Variants in PGBD5 observed in about 807,000 individuals in gnomAD.
The protein encoded by PGBD5 is piggyBac transposable element derived 5, also known as piggyBac transposable element-derived protein 5.
A neutral mutation model predicts 47.9 loss-of-function variants in PGBD5; 14 were observed. The observed-to-expected ratio is 0.29, with a 90% CI of 0.19 to 0.46. The LOEUF (loss-of-function observed/expected upper bound fraction) is 0.46, where lower values mean the gene tolerates loss of function less well. Among genes scored for constraint, PGBD5 ranks in the 20% least tolerant of loss-of-function variants. PGBD5 has a pLI of 1.00. For synonymous variants in PGBD5, 316 were observed against 306.3 expected (o/e 1.03, Z -0.33); for missense variants, 635 against 716.0 (o/e 0.89, Z 1.29).
rs180784797 is a variant in PGBD5, at chr1:230,384,726, C to T, written c.332-27405G>A. ...TCTCACGACACCACGCGGCCTCTTA[C>T]CTCAGTCTTCTCATCTATAAAATGG... On this transcript the variant is annotated intron_variant, in intron 1 of 6. Coordinates refer to ENST00000391860, the MANE Select transcript of PGBD5 (RefSeq NM_001258311.2). 4.5e-4 allele frequency among the ~76,000 whole-genome samples: 69 copies of T among 152,340 alleles called. 1 individual carries two copies. The highest frequency in any genetic ancestry group is 1.5e-3 in the African/African-American group (61 of 41,576).
chr1:230,360,069 G>A (rs940604719), intron 1 of PGBD5, among the ~76,000 whole-genome samples: 1 of 152,218 alleles, frequency 6.6e-6, no homozygotes, highest in Admixed American at 6.5e-5. Context: ...AATTATTCAA[G>A]GATAGTGCTC....
chr1:230,417,412 T>C (rs1657543008), intron 1 of PGBD5, among the ~76,000 whole-genome samples: 1 of 152,214 alleles, frequency 6.6e-6, no homozygotes, highest in Non-Finnish European at 1.5e-5. Context: ...TGCCTGAACC[T>C]GGAGTTTGGA....
At chr1:230,391,071 T>C (rs920623249) in intron 1 of PGBD5, among the ~76,000 whole-genome samples, 13 of 151,304 alleles carry the variant, frequency 8.6e-5, no homozygotes, top group Admixed American at 2.0e-4. Flanking sequence ...CTCCATTTCA[T>C]AGTGACTAGT....
rs1028311968 is a variant in PGBD5, at chr1:230,318,563, G to A, written c.*4862C>T. On this transcript the variant is annotated 3_prime_UTR_variant, in exon 7 of 7. Transcript: ENST00000391860. ...TTGTGAACTTCTGGGGACTTCTTTCGTTTGGAACTCCCACTACACAAGGCT... is the reference window on the plus strand; with the variant it reads ...TTGTGAACTTCTGGGGACTTCTTTCATTTGGAACTCCCACTACACAAGGCT... 8 of 152,240 alleles carry A rather than the reference G, an allele frequency of 5.3e-5. No individual in the cohort carries two copies. The highest frequency in any genetic ancestry group is 4.1e-4 in the South Asian group (2 of 4,834). 9.4% of individuals were successfully genotyped at this position (152,240 alleles called of 1,614,324 possible).
chr1:230,353,363 T>C (rs1667587383), intron 2 of PGBD5, among the ~76,000 whole-genome samples: 1 of 152,190 alleles, frequency 6.6e-6, no homozygotes, highest in African/African-American at 2.4e-5. Context: ...AAAATATTTC[T>C]CTAATTAATC....
In PGBD5 at chr1:230,425,242, G is replaced by T. The variant is rs1363817675; in HGVS notation, c.331+356C>A. 6.6e-6 allele frequency among the ~76,000 whole-genome samples: 1 copy of T among 152,034 alleles called. No homozygotes were observed. The highest frequency in any genetic ancestry group is 1.5e-5 in the Non-Finnish European group (1 of 67,990). On this transcript the variant is annotated intron_variant, in intron 1 of 6. Transcript: ENST00000391860. The surrounding 1 kb of genome is among the most constrained non-coding windows in gnomAD (Gnocchi z 4.7). ...CCAGCCACGCCGGGCTTTCAGAAAAGCCCCCTCAACTAGGAAAGCCTAACT... is the reference window on the plus strand; with the variant it reads ...CCAGCCACGCCGGGCTTTCAGAAAATCCCCCTCAACTAGGAAAGCCTAACT...
intron 3 of PGBD5, among the ~76,000 whole-genome samples, chr1:230,348,252 G>A (rs980360166): frequency 3.3e-5 from 5 of 152,200 alleles, no homozygotes; most frequent in Admixed American, 6.5e-5. Context: ...GGACCTCACT[G>A]GTTACCTAAT....
intron 1 of PGBD5, among the ~76,000 whole-genome samples, chr1:230,389,266 G>A (rs1274875542): frequency 6.6e-6 from 1 of 151,534 alleles, no homozygotes; most frequent in African/African-American, 2.4e-5. Flanking sequence ...CTCTGCCTCC[G>A]GGTTCAAGCG....
At chr1:230,361,370 G>GC (rs1667739610) in intron 1 of PGBD5, among the ~76,000 whole-genome samples, 1 of 152,188 alleles carries the variant, frequency 6.6e-6, no homozygotes, top group South Asian at 2.1e-4. Context: ...GCTTGGGTGT[G>GC]CCTCGGTGTC....
At chr1:230,400,530 T>C (rs1657110690) in intron 1 of PGBD5, among the ~76,000 whole-genome samples, 1 of 152,222 alleles carries the variant, frequency 6.6e-6, no homozygotes, top group Non-Finnish European at 1.5e-5. Flanking sequence ...TGAGACATAA[T>C]GGGTGCTCAG....
chr1:230,334,361 A>G (rs551855916), intron 4 of PGBD5, among the ~76,000 whole-genome samples: 1 of 149,510 alleles, frequency 6.7e-6, no homozygotes, highest in East Asian at 2.0e-4. Context: ...AAGGATGTCC[A>G]AAATCACCCA....
intron 1 of PGBD5, among the ~76,000 whole-genome samples, chr1:230,382,863 G>A (rs1656544445): frequency 6.6e-6 from 1 of 152,148 alleles, no homozygotes; most frequent in Non-Finnish European, 1.5e-5. Context: ...GAGGTTATGG[G>A]ATGGGGGAGA....
At chr1:230,324,984 C>T (rs1667091777) in intron 6 of PGBD5, among the ~76,000 whole-genome samples, 1 of 152,128 alleles carries the variant, frequency 6.6e-6, no homozygotes, top group African/African-American at 2.4e-5. Context: ...CTGGGGCAAG[C>T]GATGCCAACG....
At chr1:230,351,194 G>A in intron 2 of PGBD5, 102 bp from the exon 3 acceptor site, 1 of 1,324,482 alleles carries the variant, frequency 7.6e-7, no homozygotes, top group Admixed American at 2.9e-5. Context: ...GAGCAGCTCT[G>A]TGACCTTAAC....
chr1:230,392,201 C>T (rs1170400160), intron 1 of PGBD5, among the ~76,000 whole-genome samples: 1 of 152,218 alleles, frequency 6.6e-6, no homozygotes, highest in African/African-American at 2.4e-5. Flanking sequence ...CTGGCCACAT[C>T]CCCCCACACC....
rs77310975 is a variant in PGBD5 at position 230,387,931 on chromosome 1, C to T, written c.332-30610G>A. Among the ~76,000 whole-genome samples, 282 of 152,214 alleles carry T rather than the reference C, an allele frequency of 1.9e-3. 1 individual carries two copies. Among genetic ancestry groups the T allele is most frequent in the African/African-American group, 6.6e-3 (276 of 41,520 alleles). On this transcript the variant is annotated intron_variant, in intron 1 of 6. Transcript: ENST00000391860. ...GGGGAAGTTACGTGGAGGGATGTGG[C>T]AGCAAAGGAGGGGCTGTGTATTTTG...
intron 1 of PGBD5, among the ~76,000 whole-genome samples, chr1:230,364,804 T>C (rs1667802566): frequency 6.8e-6 from 1 of 147,648 alleles, no homozygotes; most frequent in Admixed American, 6.7e-5. Flanking sequence ...ATGGATCACC[T>C]GAGGTCAGGA....
At chr1:230,338,289 A>G (rs1222320774) in intron 3 of PGBD5, among the ~76,000 whole-genome samples, 1 of 152,238 alleles carries the variant, frequency 6.6e-6, no homozygotes, top group African/African-American at 2.4e-5. Flanking sequence ...AGGTCTGAGC[A>G]GGGCACGGCT....
chr1:230,325,564 TC>T (rs2102810771), intron 5 of PGBD5, 149 bp from the exon 6 acceptor site: 1 of 640,634 alleles, frequency 1.6e-6, no homozygotes, highest in South Asian at 1.9e-5. Context: ...AGAAGAACAA[TC>T]AGCACCAACC....
Sources: allele counts gnomAD v4.1 joint callset (sites outside exome capture counted in the v4.1 genomes callset), GRCh38; gene constraint gnomAD v4.1.1; non-coding constraint Gnocchi (gnomAD v3.1); transcripts MANE v1.5; gene names NCBI Gene and HGNC (gene_info 2026-07-23, HGNC 2026-07-21).